The following IST1 variants were observed in gnomAD, a reference collection of about 807,000 sequenced individuals.
IST1 encodes the protein IST1 homolog.
Under a neutral mutation model 37.0 loss-of-function variants are expected in IST1, and 23 were observed. The observed-to-expected ratio is 0.62, with a 90% CI of 0.45 to 0.88. The LOEUF (loss-of-function observed/expected upper bound fraction) is 0.88. Ranked by LOEUF, IST1 falls within the 40% of genes least tolerant of loss-of-function variation. The pLI is 0.00. For missense variants in IST1, 488 were observed against 445.4 expected, an observed-to-expected ratio of 1.10 and a Z score of -0.86; for synonymous variants, 180 against 161.7, an observed-to-expected ratio of 1.11 and a Z score of -0.86.
In IST1 at chr16:71,929,820, G is replaced by A. The variant is rs2037863747; in HGVS notation, c.*2007G>A. 1 of 979,756 alleles carries A rather than the reference G, an allele frequency of 1.0e-6. No individual in the cohort carries two copies. The highest frequency in any genetic ancestry group is 2.9e-5 in the Admixed American group (1 of 33,910). 60.7% of individuals were successfully genotyped at this position (979,756 alleles called of 1,614,324 possible). A position where few individuals can be genotyped will look rare whatever the true frequency, so the allele number is the denominator to read the frequency against. On this transcript the variant is annotated 3_prime_UTR_variant, in exon 10 of 10. Transcript: ENST00000378799. ...TAATAATTTGCAGTCAGGCATTGGA[G>A]TGTTTCCACTAATGGTTGCGAGCCA... is the stretch of plus-strand genomic sequence containing the variant.
At chr16:71,904,840 C>A (rs1363792701) in intron 1 of IST1, among the ~76,000 whole-genome samples, 1 of 152,144 alleles carries the variant, frequency 6.6e-6, no homozygotes, top group Non-Finnish European at 1.5e-5. Context: ...TTCATTCTCA[C>A]AATATCTGTC....
chr16:71,895,251 G>A (rs774685176), upstream of IST1: 45 of 159,280 alleles, frequency 2.8e-4, no homozygotes, highest in Non-Finnish European at 5.0e-4. Flanking sequence ...ATCAACAGCT[G>A]TGGCTGGCCT....
intron 1 of IST1, among the ~76,000 whole-genome samples, chr16:71,899,744 C>G (rs117647588): frequency 0.016 from 2,470 of 151,476 alleles, 32 homozygotes; most frequent in Non-Finnish European, 0.028. Flanking sequence ...GGGCGAACAG[C>G]CGGGCATGGT....
intron 1 of IST1, among the ~76,000 whole-genome samples, chr16:71,901,677 A>C (rs1215682097): frequency 1.3e-5 from 2 of 152,222 alleles, no homozygotes; most frequent in Non-Finnish European, 2.9e-5. Context: ...AAAAATCCTC[A>C]GTACTTAACA....
chr16:71,916,697 A>C, intron 3 of IST1, 55 bp downstream of exon 3: 3 of 1,439,622 alleles, frequency 2.1e-6, no homozygotes, highest in East Asian at 2.3e-5. Context: ...AGAAAGGAGT[A>C]ATATGATCTC....
intron 9 of IST1, among the ~76,000 whole-genome samples, chr16:71,925,957 C>G (rs1193168940): frequency 6.6e-6 from 1 of 150,706 alleles, no homozygotes; most frequent in Non-Finnish European, 1.5e-5. Context: ...TAAGATAATA[C>G]CTACCAGCAA....
rs370583217 is a variant in IST1 at position 71,922,453 on chromosome 16, G to A, written c.553-21G>A. On this transcript the variant is annotated intron_variant, in intron 6 of 9. Coordinates refer to ENST00000378799, the MANE Select transcript of IST1 (RefSeq NM_001270975.2). Reference sequence around the variant, plus strand: ...GGCCTTGGACATGGGTTAATGACCTGGGTTTCTCTTTTTTTCTCAGGCAGA... The same window carrying A: ...GGCCTTGGACATGGGTTAATGACCTAGGTTTCTCTTTTTTTCTCAGGCAGA... The A allele has an allele frequency of 1.4e-5, 22 of 1,605,940 alleles. No homozygotes were observed. The African/African-American group carries it at 2.3e-4, about 17-fold the overall frequency.
intron 7 of IST1, chr16:71,922,968 A>G: frequency 2.0e-6 from 1 of 501,078 alleles, no homozygotes; most frequent in Non-Finnish European, 3.5e-6. Context: ...TTTTCCACAA[A>G]TGAATAAACC....
intron 1 of IST1, among the ~76,000 whole-genome samples, chr16:71,914,037 A>T (rs2037415682): frequency 6.6e-6 from 1 of 151,300 alleles, no homozygotes; most frequent in South Asian, 2.1e-4. Flanking sequence ...CGAACTCCCG[A>T]CCTCAGGTGA....
Position 71,915,607 on chromosome 16 carries a change from G to A in IST1, c.-15-19G>A, listed in dbSNP as rs2037449928. 6.4e-7 allele frequency: 1 copy of A among 1,561,944 alleles called. No homozygotes were observed. ...TAATGTTGACTTGAAAATAGTCATT[G>A]TGCTTCTTCTGTTTCTAGGAGGAAC... On this transcript the variant is annotated intron_variant, in intron 1 of 9. Coordinates refer to ENST00000378799, the MANE Select transcript of IST1 (RefSeq NM_001270975.2).
chr16:71,915,696 T>C lies in IST1; in HGVS notation c.56T>C (p.Ile19Thr), dbSNP rs1194547922. Residue 19 changes from isoleucine (I) to threonine (T), a missense_variant, in exon 2 of 10, where the codon ATA becomes ACA. By Grantham distance (89) the Ile-to-Thr change is moderately conservative. Around this residue, in one of 2 missense-constraint regions of IST1, gnomAD observed 33 missense variants for 59.3 expected, o/e 0.56. Transcript: ENST00000378799. ...TTAAGAGTGAATTTGAGATTAGTCA[T>C]AAATCGCCTTAAACTATTGGAGAAA... ...ERLRVNLRLV[I>T]NRLKLLEKKK... is the part of the protein sequence containing the mutation. The C allele has an allele frequency of 6.2e-7, 1 of 1,612,906 alleles. No individual in the cohort carries two copies. Among genetic ancestry groups the C allele is most frequent in the African/African-American group, 1.3e-5 (1 of 74,896 alleles).
rs1382930549 is a variant in IST1, at chr16:71,929,927, G to C, written c.*2114G>C. On this transcript the variant is annotated 3_prime_UTR_variant, in exon 10 of 10. Coordinates refer to ENST00000378799, the MANE Select transcript of IST1 (RefSeq NM_001270975.2). The stretch of plus-strand genomic sequence containing the variant: ...TAGGAAGATAGCTGGCAGAGCTTTT[G>C]AAACTAATAAAGGGAATATGATACT... 8.1e-6 allele frequency: 10 copies of C among 1,227,128 alleles called. No homozygotes were observed. The highest frequency in any genetic ancestry group is 2.9e-5 in the Admixed American group (1 of 34,140). 76.0% of individuals were successfully genotyped at this position (1,227,128 alleles called of 1,614,324 possible). A position where few individuals can be genotyped will look rare whatever the true frequency, so the allele number is the denominator to read the frequency against.
intron 1 of IST1, among the ~76,000 whole-genome samples, chr16:71,899,393 A>G (rs1451800385): frequency 6.6e-6 from 1 of 152,032 alleles, no homozygotes; most frequent in Non-Finnish European, 1.5e-5. Flanking sequence ...AGCCTGGGCA[A>G]CATAGCAAGG....
intron 1 of IST1, among the ~76,000 whole-genome samples, chr16:71,901,809 A>T (rs1465314435): frequency 2.0e-5 from 3 of 152,260 alleles, no homozygotes; most frequent in Non-Finnish European, 4.4e-5. Flanking sequence ...TTAACATAAT[A>T]CATGAGCGAC....
Position 71,929,277 on chromosome 16 carries a change from A to T in IST1, c.*1464A>T, listed in dbSNP as rs901093813. On this transcript the variant is annotated 3_prime_UTR_variant, in exon 10 of 10. Transcript: ENST00000378799. Reference sequence around the variant, plus strand: ...CAGTGAGCTCACTTCTGACTGCTTCATTTCCCGCAGCCATCCTGGGCCATG... The same window carrying T: ...CAGTGAGCTCACTTCTGACTGCTTCTTTTCCCGCAGCCATCCTGGGCCATG... 3.1e-5 allele frequency: 10 copies of T among 318,758 alleles called. No homozygotes were observed. Among genetic ancestry groups the T allele is most frequent in the Non-Finnish European group, 5.2e-5 (9 of 173,572 alleles). 19.7% of individuals were successfully genotyped at this position (318,758 alleles called of 1,614,324 possible).
At chr16:71,914,140 T>C (rs57807129) in intron 1 of IST1, among the ~76,000 whole-genome samples, 20,825 of 149,676 alleles carry the variant, frequency 0.14, 1,752 homozygotes, top group South Asian at 0.39. Context: ...TCCAGTAGAA[T>C]ACAGGTTCAT....
rs773450875 is a variant in IST1 at position 71,916,658 on chromosome 16, T to A, written c.269+16T>A. 5.0e-6 allele frequency: 8 copies of A among 1,598,790 alleles called. No homozygotes were observed. In the East Asian group the frequency reaches 1.6e-4, roughly 31 times the overall value. On this transcript the variant is annotated intron_variant, in intron 3 of 9. Transcript: ENST00000378799. ...AGTCTATGAAGTAAGATATTTTGAT[T>A]CAGAGACCTAAATCATTTCTGGAAT...
intron 6 of IST1, 94 bp downstream of exon 6, chr16:71,921,547 G>T: frequency 1.3e-6 from 1 of 742,188 alleles, no homozygotes. Context: ...ACTTAAATTT[G>T]TGTGAGTTTA....
intron 9 of IST1, among the ~76,000 whole-genome samples, chr16:71,926,380 G>T (rs1049390281): frequency 6.7e-6 from 1 of 149,176 alleles, no homozygotes. Flanking sequence ...GTCTTGCTCT[G>T]TCACCCAGGC....
Sources: gnomAD v4.1 joint callset for allele counts (sites outside exome capture counted in the v4.1 genomes callset) on GRCh38, gnomAD v4.1.1 for gene constraint, gnomAD v4.1.1 regional missense constraint, MANE v1.5 for transcripts, NCBI Gene and HGNC (gene_info 2026-07-23, HGNC 2026-07-21) for gene names.